The following TENM4 variants were observed in gnomAD, a reference collection of about 807,000 sequenced individuals.
The protein encoded by TENM4 is teneurin transmembrane protein 4.
In TENM4, 82 loss-of-function variants were observed where a neutral mutation model predicts 243.3. The ratio of observed to expected loss-of-function variants is 0.34; its 90% CI spans 0.28 to 0.40. The LOEUF is 0.40. Ranked by LOEUF, TENM4 falls within the 10% of genes least tolerant of loss-of-function variation. The pLI is 1.00. For missense variants in TENM4, 3,138 were observed against 3,673.3 expected, an observed-to-expected ratio of 0.85 and a Z score of 3.77; for synonymous variants, 1,412 against 1,456.3, an observed-to-expected ratio of 0.97 and a Z score of 0.69.
At chr11:79,179,050 G>A (rs557348670) in intron 3 of TENM4, among the ~76,000 whole-genome samples, 3 of 152,296 alleles carry the variant, frequency 2.0e-5, no homozygotes, top group East Asian at 1.9e-4. Context: ...GTACAAGGAC[G>A]TCAGTACCTT....
chr11:78,740,868 G>A (rs77194239), intron 19 of TENM4, among the ~76,000 whole-genome samples: 2,751 of 152,200 alleles, frequency 0.018, 90 homozygotes, highest in African/African-American at 0.063. Context: ...ACATTGAATC[G>A]GCACCATTTG....
chr11:79,169,155 C>G (rs916641358), intron 3 of TENM4, among the ~76,000 whole-genome samples: 3 of 152,198 alleles, frequency 2.0e-5, no homozygotes, highest in Non-Finnish European at 4.4e-5. Flanking sequence ...ATGAATGAGC[C>G]TAGCCAAGCT....
chr11:78,853,238 A>G (rs528424174), intron 12 of TENM4, among the ~76,000 whole-genome samples: 1 of 152,266 alleles, frequency 6.6e-6, no homozygotes, highest in East Asian at 1.9e-4. Flanking sequence ...CCTGTAGGGA[A>G]TTTTTATCTC....
intron 6 of TENM4, among the ~76,000 whole-genome samples, chr11:78,950,453 G>A (rs663520): frequency 0.43 from 65,242 of 152,012 alleles, 14,596 homozygotes; most frequent in African/African-American, 0.47. Flanking sequence ...CCTGAGGGTT[G>A]TCAAGAAAGG....
At chr11:79,128,587 A>T (rs543601707) in intron 4 of TENM4, among the ~76,000 whole-genome samples, 1 of 152,318 alleles carries the variant, frequency 6.6e-6, no homozygotes, top group Admixed American at 6.5e-5. Context: ...GAAGAAGAGA[A>T]GACTAGGGCC....
At chr11:79,386,333 T>C (rs1010656231) in intron 1 of TENM4, among the ~76,000 whole-genome samples, 1 of 152,232 alleles carries the variant, frequency 6.6e-6, no homozygotes, top group African/African-American at 2.4e-5. Context: ...ATGTAGAATG[T>C]CTTCTTGACC....
chr11:79,177,041 C>T (rs571661379), intron 3 of TENM4, among the ~76,000 whole-genome samples: 45 of 152,138 alleles, frequency 3.0e-4, no homozygotes, highest in Admixed American at 9.2e-4. Context: ...CTAAACTTCA[C>T]AATATGCAGA....
intron 2 of TENM4, among the ~76,000 whole-genome samples, chr11:79,286,411 G>T (rs1018197588): frequency 1.3e-5 from 2 of 151,800 alleles, no homozygotes; most frequent in African/African-American, 4.8e-5. Flanking sequence ...TAGCACTTTG[G>T]GAGGTGGAGG....
intron 6 of TENM4, among the ~76,000 whole-genome samples, chr11:78,979,906 G>T (rs1325133650): frequency 6.6e-6 from 1 of 152,102 alleles, no homozygotes; most frequent in Non-Finnish European, 1.5e-5. Flanking sequence ...AATTAGCATG[G>T]TTACATGAGT....
rs185849250 is a variant in TENM4, at chr11:79,079,114, G to A, written c.-65-9105C>T. Among the ~76,000 whole-genome samples, 540 of 152,320 alleles carry A rather than the reference G, an allele frequency of 3.5e-3. 4 individuals carry two copies. The highest frequency in any genetic ancestry group is 0.012 in the African/African-American group (513 of 41,572). On this transcript the variant is annotated intron_variant, in intron 4 of 33. Coordinates refer to ENST00000278550, the MANE Select transcript of TENM4 (RefSeq NM_001098816.3). ...TGCCCTGTACAGAAAGAGAACTGTC[G>A]GGACAGAGACAGGGCTTTCCTGGGA... is the stretch of plus-strand genomic sequence containing the variant.
intron 6 of TENM4, among the ~76,000 whole-genome samples, chr11:78,958,434 T>G (rs1383372682): frequency 6.6e-6 from 1 of 152,232 alleles, no homozygotes; most frequent in Non-Finnish European, 1.5e-5. Context: ...GACTAGTTGA[T>G]ATTTTAGTGA....
At chr11:78,902,922 T>A (rs1348064300) in intron 7 of TENM4, among the ~76,000 whole-genome samples, 1 of 152,184 alleles carries the variant, frequency 6.6e-6, no homozygotes, top group African/African-American at 2.4e-5. Flanking sequence ...TGTGAAAGCC[T>A]CGTTCACACA....
At chr11:79,134,183 A>C (rs1862064826) in intron 4 of TENM4, among the ~76,000 whole-genome samples, 1 of 152,188 alleles carries the variant, frequency 6.6e-6, no homozygotes, top group Non-Finnish European at 1.5e-5. Flanking sequence ...ACAAATTAGT[A>C]GCTCTTCTAT....
chr11:79,002,290 T>C (rs996571082), intron 6 of TENM4, among the ~76,000 whole-genome samples: 16 of 152,332 alleles, frequency 1.1e-4, no homozygotes, highest in Admixed American at 5.9e-4. Flanking sequence ...CTGTGAGTAC[T>C]CTGCCCCAGC....
chr11:78,886,721 G>C (rs1855556309), intron 9 of TENM4, among the ~76,000 whole-genome samples: 1 of 152,206 alleles, frequency 6.6e-6, no homozygotes, highest in Non-Finnish European at 1.5e-5. Flanking sequence ...GAAACAAAGG[G>C]AATGCCCAGG....
chr11:78,982,606 A>G (rs1479577355), intron 6 of TENM4, among the ~76,000 whole-genome samples: 2 of 151,954 alleles, frequency 1.3e-5, no homozygotes, highest in African/African-American at 4.8e-5. Context: ...ATGCATTCAC[A>G]CTCACTGGAA....
chr11:79,098,608 G>C (rs973847384), intron 4 of TENM4, among the ~76,000 whole-genome samples: 7 of 152,168 alleles, frequency 4.6e-5, no homozygotes, highest in Non-Finnish European at 7.3e-5. Flanking sequence ...ATGCACACCT[G>C]TACGGAAGAA....
intron 1 of TENM4, among the ~76,000 whole-genome samples, chr11:79,366,487 A>G (rs756978312): frequency 6.6e-6 from 1 of 152,248 alleles, no homozygotes; most frequent in African/African-American, 2.4e-5. Context: ...GCCAGTGCAC[A>G]GGCTGTGGAT....
At chr11:78,661,266 G>C (rs897470524) in intron 33 of TENM4, among the ~76,000 whole-genome samples, 183 bp downstream of exon 33, 1 of 152,148 alleles carries the variant, frequency 6.6e-6, no homozygotes, top group African/African-American at 2.4e-5. Context: ...TGTGGTCATG[G>C]CTGCGTCCCT....
Sources: gnomAD v4.1 joint callset for allele counts (sites outside exome capture counted in the v4.1 genomes callset) on GRCh38, gnomAD v4.1.1 for gene constraint, MANE v1.5 for transcripts, NCBI Gene and HGNC (gene_info 2026-07-23, HGNC 2026-07-21) for gene names.